The following ZDHHC6 variants were observed in gnomAD, a reference collection of about 807,000 sequenced individuals.
The protein encoded by ZDHHC6 is palmitoyltransferase ZDHHC6.
ZDHHC6 carries 32 observed loss-of-function variants against 57.8 expected under a neutral mutation model. The observed-to-expected ratio is 0.55, with a 90% CI of 0.42 to 0.74. ZDHHC6 has a LOEUF of 0.74. ZDHHC6 is among the 30% of genes least tolerant of loss of function. ZDHHC6 has a pLI of 0.00. For missense variants in ZDHHC6, 433 were observed against 500.7 expected (o/e 0.86, Z 1.29); for synonymous variants, 128 against 158.0 (o/e 0.81, Z 1.42).
At chr10:112,445,023 G>T in intron 2 of ZDHHC6, 147 bp downstream of exon 2, 1 of 928,362 alleles carries the variant, frequency 1.1e-6, no homozygotes, top group Non-Finnish European at 1.6e-6. Flanking sequence ...AAGTCTCCGA[G>T]CCTAAATGAT....
At chr10:112,443,845 G>C (rs988925429) in intron 2 of ZDHHC6, among the ~76,000 whole-genome samples, 3 of 152,116 alleles carry the variant, frequency 2.0e-5, no homozygotes, top group Admixed American at 6.5e-5. Flanking sequence ...CCTAAATTCA[G>C]TGTCACTAGT....
intron 4 of ZDHHC6, among the ~76,000 whole-genome samples, chr10:112,441,885 T>C (rs771370287): frequency 6.6e-6 from 1 of 152,202 alleles, no homozygotes; most frequent in Non-Finnish European, 1.5e-5. Context: ...ACTAGTGTTG[T>C]CTTTTTTTCT....
Position 112,434,980 on chromosome 10 carries a change from G to T in ZDHHC6, c.736-516C>A, listed in dbSNP as rs114528978. ...GATGCCCATGGGAATGACCAGGAAA[G>T]GTGTAACAGGAGAGCTGTTTTATGA... On this transcript the variant is annotated intron_variant, in intron 6 of 10. Coordinates refer to ENST00000369405, the MANE Select transcript of ZDHHC6 (RefSeq NM_022494.3). Among the ~76,000 whole-genome samples the T allele has an allele frequency of 4.8e-3, 738 of 152,330 alleles. 6 individuals are homozygous for T. Among genetic ancestry groups the T allele is most frequent in the African/African-American group, 0.017 (704 of 41,570 alleles).
intron 3 of ZDHHC6, among the ~76,000 whole-genome samples, chr10:112,442,912 AATGT>A (rs1208211038): frequency 7.1e-6 from 1 of 140,744 alleles, no homozygotes; most frequent in Admixed American, 7.3e-5. Flanking sequence ...GATAGAAGAC[AATGT>A]TTTGGCCTGA....
downstream of ZDHHC6, among the ~76,000 whole-genome samples, chr10:112,430,088 C>T (rs1003720406): frequency 4.6e-5 from 7 of 152,230 alleles, no homozygotes; most frequent in Non-Finnish European, 1.0e-4. Context: ...GGCTCCCCCT[C>T]AACACCCCTC....
At chr10:112,427,769 TCTA>T (rs1262452236), downstream of ZDHHC6, 1 of 154,258 alleles carries the variant, frequency 6.5e-6, no homozygotes, top group Non-Finnish European at 1.4e-5. Flanking sequence ...ATTTACATCT[TCTA>T]CTGTTCAAAC....
At position 112,434,163 on chromosome 10, in the gene ZDHHC6, T is replaced by C. The variant is rs1845296853; in HGVS notation, c.903+134A>G. Reference sequence around the variant, plus strand: ...ACATGATACAAGGAGTGCTTTAGAATTATTAGATTCATTTTGACATAGTGA... The same window carrying C: ...ACATGATACAAGGAGTGCTTTAGAACTATTAGATTCATTTTGACATAGTGA... On this transcript the variant is annotated intron_variant, in intron 7 of 10. Transcript: ENST00000369405. The C allele has an allele frequency of 8.2e-6, 7 of 850,858 alleles. No individual in the cohort carries two copies. The South Asian group carries it at 1.7e-4, about 21-fold the overall frequency. 52.7% of individuals were successfully genotyped at this position (850,858 alleles called of 1,614,324 possible). A position where few individuals can be genotyped will look rare whatever the true frequency, so the allele number is the denominator to read the frequency against.
At chr10:112,442,464 G>A (rs1021499940) in intron 3 of ZDHHC6, 113 bp from the exon 4 acceptor site, 18 of 972,426 alleles carry the variant, frequency 1.9e-5, no homozygotes, top group Middle Eastern at 5.3e-4. Context: ...TGAGCTACGA[G>A]AGAATTATAC....
At chr10:112,426,699 G>A, downstream of ZDHHC6, 1 of 1,133,732 alleles carries the variant, frequency 8.8e-7, no homozygotes, top group Non-Finnish European at 1.3e-6. Flanking sequence ...CATACTGCAT[G>A]GCTTTGACAG....
upstream of ZDHHC6, chr10:112,447,047 G>A (rs1318758608): frequency 6.4e-6 from 2 of 313,592 alleles, no homozygotes; most frequent in Non-Finnish European, 6.2e-6. Context: ...ACACGAAGGG[G>A]GGAAAAAACG....
chr10:112,433,180 T>C, intron 8 of ZDHHC6, 60 bp downstream of exon 8: 1 of 1,385,966 alleles, frequency 7.2e-7, no homozygotes, highest in Non-Finnish European at 9.7e-7. Flanking sequence ...AAAAAAACTG[T>C]ATGGAAGTAC....
chr10:112,427,482 C>T, downstream of ZDHHC6: 1 of 903,860 alleles, frequency 1.1e-6, no homozygotes, highest in South Asian at 2.3e-5. Context: ...ACTCTAAAGC[C>T]ATAGCTTTTG....
downstream of ZDHHC6, among the ~76,000 whole-genome samples, chr10:112,429,028 AC>A (rs1232127688): frequency 6.6e-6 from 1 of 152,242 alleles, no homozygotes; most frequent in African/African-American, 2.4e-5. Flanking sequence ...CCATTCTTTT[AC>A]CATCTTTGTT....
chr10:112,426,540 A>G, downstream of ZDHHC6: 1 of 624,808 alleles, frequency 1.6e-6, no homozygotes, highest in Non-Finnish European at 2.8e-6. Context: ...ATTTAAAATA[A>G]TATGTTCATT....
chr10:112,437,586 G>A (rs1845663218), intron 6 of ZDHHC6, among the ~76,000 whole-genome samples: 1 of 152,188 alleles, frequency 6.6e-6, no homozygotes, highest in Non-Finnish European at 1.5e-5. Flanking sequence ...TCAACAGACT[G>A]AATGCAGAAG....
downstream of ZDHHC6, among the ~76,000 whole-genome samples, chr10:112,429,974 G>GC (rs968012414): frequency 6.6e-6 from 1 of 151,416 alleles, no homozygotes; most frequent in African/African-American, 2.4e-5. Context: ...GTTGGGGGGG[G>GC]GGTGTGGGGG....
At chr10:112,441,110 G>T (rs1444614588) in intron 4 of ZDHHC6, among the ~76,000 whole-genome samples, 1 of 152,204 alleles carries the variant, frequency 6.6e-6, no homozygotes, top group East Asian at 1.9e-4. Context: ...CTCCCAAAGT[G>T]CTAGGATTAC....
chr10:112,425,357 T>C, downstream of ZDHHC6: 1 of 1,612,764 alleles, frequency 6.2e-7, no homozygotes, highest in South Asian at 1.1e-5. Context: ...CTGAAGATCA[T>C]CGACCGTAAA....
At chr10:112,432,683 G>A (rs1484722269) in intron 8 of ZDHHC6, among the ~76,000 whole-genome samples, 162 bp from the exon 9 acceptor site, 2 of 152,232 alleles carry the variant, frequency 1.3e-5, no homozygotes, top group South Asian at 2.1e-4. Context: ...CTAGTTCCCT[G>A]GGAGGCAACT....
Sources: gnomAD v4.1 joint callset for allele counts (sites outside exome capture counted in the v4.1 genomes callset) on GRCh38, gnomAD v4.1.1 for gene constraint, MANE v1.5 for transcripts, NCBI Gene and HGNC (gene_info 2026-07-23, HGNC 2026-07-21) for gene names.